SYT14: variants seen among roughly 807,000 people sequenced by gnomAD.
The protein encoded by SYT14 is synaptotagmin 14.
In SYT14, 32 loss-of-function variants were observed where a neutral mutation model predicts 74.2. The observed-to-expected ratio is 0.43, with a 90% confidence interval of 0.33 to 0.58. The LOEUF (loss-of-function observed/expected upper bound fraction) is 0.58. SYT14 is among the 20% of genes least tolerant of loss of function. The pLI, the probability that SYT14 is intolerant of heterozygous loss-of-function variation, is 0.05. For synonymous variants in SYT14, 298 were observed against 337.7 expected, an observed-to-expected ratio of 0.88 and a Z score of 1.29; for missense variants, 791 against 981.8, an observed-to-expected ratio of 0.81 and a Z score of 2.60.
At chr1:210,049,966 A>G (rs2080961425) in intron 5 of SYT14, among the ~76,000 whole-genome samples, 1 of 152,148 alleles carries the variant, frequency 6.6e-6, no homozygotes, top group Non-Finnish European at 1.5e-5. Flanking sequence ...GACCTCTGAC[A>G]TGCCCTGGAG....
intron 1 of SYT14, among the ~76,000 whole-genome samples, chr1:209,945,800 C>T (rs1338959959): frequency 6.6e-6 from 1 of 152,170 alleles, no homozygotes; most frequent in African/African-American, 2.4e-5. Context: ...AGGTTTAATT[C>T]CATTTTTGTG....
chr1:210,074,171 A>T (rs2081447003), intron 5 of SYT14, among the ~76,000 whole-genome samples: 1 of 152,190 alleles, frequency 6.6e-6, no homozygotes, highest in Non-Finnish European at 1.5e-5. Context: ...GATTAATGCT[A>T]ATATGATCAC....
intron 5 of SYT14, among the ~76,000 whole-genome samples, chr1:210,059,093 A>G (rs549740082): frequency 6.6e-6 from 1 of 152,234 alleles, no homozygotes; most frequent in African/African-American, 2.4e-5. Flanking sequence ...ACTTAGATAT[A>G]GAGAGGAAAT....
At chr1:209,976,603 T>C (rs1034897364) in intron 2 of SYT14, among the ~76,000 whole-genome samples, 2 of 151,606 alleles carry the variant, frequency 1.3e-5, no homozygotes, top group African/African-American at 4.8e-5. Context: ...TTACATTTGC[T>C]GAGGAGTCCT....
At chr1:210,142,134 G>A (rs2082928245) in intron 7 of SYT14, among the ~76,000 whole-genome samples, 1 of 152,180 alleles carries the variant, frequency 6.6e-6, no homozygotes, top group South Asian at 2.1e-4. Flanking sequence ...GTGAAGTAAT[G>A]TCATTTCTCT....
intron 2 of SYT14, among the ~76,000 whole-genome samples, chr1:209,989,248 A>T (rs1411527254): frequency 6.6e-6 from 1 of 152,136 alleles, no homozygotes; most frequent in African/African-American, 2.4e-5. Context: ...TTGGTATTTA[A>T]ATAGACTATA....
intron 2 of SYT14, among the ~76,000 whole-genome samples, chr1:209,972,760 G>C (rs1043141803): frequency 2.0e-5 from 3 of 152,058 alleles, no homozygotes; most frequent in Admixed American, 2.0e-4. Flanking sequence ...CTTGACTTAT[G>C]GCTGAGCATG....
intron 5 of SYT14, among the ~76,000 whole-genome samples, chr1:210,064,235 A>T (rs2081258421): frequency 6.6e-6 from 1 of 152,016 alleles, no homozygotes; most frequent in African/African-American, 2.4e-5. Context: ...TCAGAATTTC[A>T]TCCTTTTAAA....
At chr1:210,036,600 G>A (rs1263409370) in intron 5 of SYT14, among the ~76,000 whole-genome samples, 1 of 151,952 alleles carries the variant, frequency 6.6e-6, no homozygotes, top group Non-Finnish European at 1.5e-5. Flanking sequence ...TTTGAGATAT[G>A]TTCCTTCTAT....
At chr1:209,995,878 A>G (rs949223791) in intron 2 of SYT14, among the ~76,000 whole-genome samples, 9 of 142,284 alleles carry the variant, frequency 6.3e-5, no homozygotes, top group Admixed American at 4.6e-4. Flanking sequence ...TTACTCTTGA[A>G]ACTCCTGTGG....
At chr1:209,981,143 C>T (rs1024487761) in intron 2 of SYT14, among the ~76,000 whole-genome samples, 25 of 152,062 alleles carry the variant, frequency 1.6e-4, no homozygotes, top group African/African-American at 6.0e-4. Flanking sequence ...TGTAGTTCAC[C>T]TTGAAGAGGT....
chr1:209,979,879 C>T (rs114587319), intron 2 of SYT14, among the ~76,000 whole-genome samples: 1,621 of 152,280 alleles, frequency 0.011, 37 homozygotes, highest in African/African-American at 0.037. Context: ...ATTGATTCCA[C>T]GTCTTTGCTA....
intron 2 of SYT14, among the ~76,000 whole-genome samples, chr1:209,993,629 C>T (rs2079733208): frequency 6.6e-6 from 1 of 152,130 alleles, no homozygotes; most frequent in South Asian, 2.1e-4. Flanking sequence ...TGGCATATCT[C>T]TCTGTTGCAG....
chr1:210,029,346 C>A (rs2080479570), intron 5 of SYT14, among the ~76,000 whole-genome samples: 1 of 152,032 alleles, frequency 6.6e-6, no homozygotes, highest in East Asian at 1.9e-4. Context: ...TCTGCCAAAT[C>A]CAATGTTGTG....
intron 5 of SYT14, among the ~76,000 whole-genome samples, chr1:210,083,156 GT>G (rs531918594): frequency 6.6e-6 from 1 of 151,644 alleles, no homozygotes; most frequent in Non-Finnish European, 1.5e-5. Flanking sequence ...AATTTTTGGG[GT>G]TTTTTTGTAT....
At chr1:210,161,948 A>G (rs1157870422) in exon 10 of SYT14, 1 of 453,642 alleles carries the variant, frequency 2.2e-6, no homozygotes, top group East Asian at 6.9e-5. Flanking sequence ...AATACAGTAG[A>G]TAAGCTGTCG....
At chr1:210,144,493 C>T (rs1331733575) in intron 7 of SYT14, among the ~76,000 whole-genome samples, 3 of 151,952 alleles carry the variant, frequency 2.0e-5, no homozygotes, top group East Asian at 1.9e-4. Context: ...CCTTTCCTTA[C>T]GAGTACACTA....
exon 10 of SYT14, chr1:210,170,398 A>G (rs2083512571): frequency 6.6e-6 from 1 of 151,926 alleles, no homozygotes; most frequent in Non-Finnish European, 1.5e-5. Context: ...CTTTTCTACT[A>G]TGTATACACC....
Position 210,030,129 on chromosome 1 carries a change from G to GT in SYT14, c.1312+8883dup, listed in dbSNP as rs1022759837. ...GCTACTTTGCTGGATTTGTTTATTA[G>GT]TTTTTTTTGTTTTTGTTTTTGTTTT... On this transcript the variant is annotated intron_variant, in intron 5 of 9. Transcript: ENST00000637265. Among the ~76,000 whole-genome samples, 14 of 146,012 alleles carry GT rather than the reference G, an allele frequency of 9.6e-5. No homozygotes were observed. The East Asian group carries it at 2.2e-3, about 23-fold the overall frequency.
Sources: gnomAD v4.1 joint callset for allele counts (sites outside exome capture counted in the v4.1 genomes callset) on GRCh38, gnomAD v4.1.1 for gene constraint, MANE v1.5 for transcripts, NCBI Gene and HGNC (gene_info 2026-07-23, HGNC 2026-07-21) for gene names.